The following MSH3 variants were observed in gnomAD, a reference collection of about 807,000 sequenced individuals.
The protein encoded by MSH3 is DNA mismatch repair protein Msh3.
Under a neutral mutation model 123.3 loss-of-function variants are expected in MSH3, and 106 were observed. The observed-to-expected ratio is 0.86, with a 90% CI of 0.73 to 1.01. MSH3 has a LOEUF of 1.01. MSH3 is among the 50% of genes least tolerant of loss of function. The pLI, the probability that MSH3 is intolerant of heterozygous loss-of-function variation, is 0.00. For synonymous variants in MSH3, 515 were observed against 481.4 expected, an observed-to-expected ratio of 1.07 and a Z score of -0.91; for missense variants, 1,459 against 1,347.6, an observed-to-expected ratio of 1.08 and a Z score of -1.29.
At chr5:80,795,005 C>T (rs572903238) in intron 19 of MSH3, among the ~76,000 whole-genome samples, 1 of 152,226 alleles carries the variant, frequency 6.6e-6, no homozygotes, top group Admixed American at 6.5e-5. Context: ...AAATGTTAAG[C>T]AAGGTGGTTA....
intron 8 of MSH3, among the ~76,000 whole-genome samples, chr5:80,683,034 A>C (rs1750008585): frequency 6.6e-6 from 1 of 152,144 alleles, no homozygotes; most frequent in African/African-American, 2.4e-5. Context: ...AAATGACAGG[A>C]TCTCATTCCT....
intron 8 of MSH3, among the ~76,000 whole-genome samples, chr5:80,721,964 G>C (rs961373253): frequency 1.4e-4 from 21 of 152,170 alleles, no homozygotes; most frequent in African/African-American, 4.8e-4. Context: ...TGTTGTCTTA[G>C]ATTGTAAACT....
chr5:80,672,671 A>G lies in MSH3; in HGVS notation c.910-70A>G, dbSNP rs778050509. The G allele has an allele frequency of 3.3e-6, 4 of 1,218,226 alleles. No individual in the cohort carries two copies. The African/African-American group carries it at 4.5e-5, about 14-fold the overall frequency. 75.5% of individuals were successfully genotyped at this position (1,218,226 alleles called of 1,614,324 possible). A position where few individuals can be genotyped will look rare whatever the true frequency, so the allele number is the denominator to read the frequency against. ...TAACCATTTCAGAATTGACGTTTAA[A>G]CATTTCGAAATGAGTTTTTACAAGT... On this transcript the variant is annotated intron_variant, in intron 5 of 23. Coordinates refer to ENST00000265081, the MANE Select transcript of MSH3 (RefSeq NM_002439.5).
At chr5:80,768,235 A>G (rs1002416639) in intron 14 of MSH3, 115 bp downstream of exon 14, 3 of 963,830 alleles carry the variant, frequency 3.1e-6, no homozygotes, top group Non-Finnish European at 4.9e-6. Context: ...TTGCATGAGT[A>G]CATATATAAT....
intron 21 of MSH3, 60 bp downstream of exon 21, chr5:80,854,376 T>C (rs1408665315): frequency 2.0e-6 from 3 of 1,474,616 alleles, no homozygotes; most frequent in African/African-American, 1.4e-5. Flanking sequence ...TATTTTTAAA[T>C]GACAGTCATA....
At chr5:80,854,108 G>C in intron 20 of MSH3, 22 bp from the exon 21 acceptor site, 1 of 1,591,760 alleles carries the variant, frequency 6.3e-7, no homozygotes, top group Non-Finnish European at 8.6e-7. Flanking sequence ...GGAAAATCAA[G>C]GTGTTTTCAT....
chr5:80,859,710 C>G (rs1391991288), intron 21 of MSH3, among the ~76,000 whole-genome samples: 1 of 143,580 alleles, frequency 7.0e-6, no homozygotes, highest in Non-Finnish European at 1.5e-5. Flanking sequence ...TTCATTTTCT[C>G]TCTTTTTTTT....
chr5:80,674,840 A>G, intron 6 of MSH3, 143 bp from the exon 7 acceptor site: 1 of 712,476 alleles, frequency 1.4e-6, no homozygotes, highest in South Asian at 2.0e-5. Flanking sequence ...TTGGCCTCCT[A>G]AAGTGCTGGG....
intron 20 of MSH3, among the ~76,000 whole-genome samples, chr5:80,853,475 A>G (rs74666883): frequency 1.6e-5 from 2 of 126,794 alleles, no homozygotes; most frequent in Middle Eastern, 8.3e-3. Flanking sequence ...AACCCTGTCC[A>G]AAAAAAAAAA....
chr5:80,741,293 G>A (rs183932156), intron 10 of MSH3, among the ~76,000 whole-genome samples, 171 bp from the exon 11 acceptor site: 1 of 152,006 alleles, frequency 6.6e-6, no homozygotes, highest in Non-Finnish European at 1.5e-5. Context: ...CAGCACCAGC[G>A]TTAATGGACT....
intron 20 of MSH3, among the ~76,000 whole-genome samples, chr5:80,850,718 G>C (rs1451584734): frequency 6.6e-6 from 1 of 152,168 alleles, no homozygotes; most frequent in East Asian, 1.9e-4. Context: ...TACAAGAAAA[G>C]ATGTGGCTGG....
intron 19 of MSH3, among the ~76,000 whole-genome samples, chr5:80,797,185 C>T (rs1744713470): frequency 6.6e-6 from 1 of 152,154 alleles, no homozygotes; most frequent in African/African-American, 2.4e-5. Context: ...GGGTAACCCT[C>T]TCACATACCC....
intron 19 of MSH3, among the ~76,000 whole-genome samples, chr5:80,794,272 A>G (rs555676617): frequency 6.6e-6 from 1 of 152,310 alleles, no homozygotes; most frequent in Non-Finnish European, 1.5e-5. Flanking sequence ...TCCTGGCAGC[A>G]CTGAGTTTTC....
intron 13 of MSH3, among the ~76,000 whole-genome samples, chr5:80,767,304 T>G (rs972697475): frequency 5.3e-5 from 8 of 152,294 alleles, no homozygotes; most frequent in African/African-American, 1.9e-4. Context: ...TGCCAAGTTG[T>G]TTTTCAAAAA....
chr5:80,842,735 G>A (rs1189644716), intron 20 of MSH3, among the ~76,000 whole-genome samples: 2 of 152,122 alleles, frequency 1.3e-5, no homozygotes, highest in African/African-American at 4.8e-5. Flanking sequence ...GAATGCTTGT[G>A]ATTTTTGCAC....
intron 19 of MSH3, among the ~76,000 whole-genome samples, chr5:80,812,899 G>C (rs1302880736): frequency 1.3e-5 from 2 of 152,078 alleles, no homozygotes; most frequent in Non-Finnish European, 2.9e-5. Context: ...CCAAAATGTG[G>C]GATTCACATA....
chr5:80,780,116 T>C (rs1744383839), intron 17 of MSH3, among the ~76,000 whole-genome samples: 7 of 152,232 alleles, frequency 4.6e-5, no homozygotes, highest in Admixed American at 4.6e-4. Context: ...TTGATAGTCA[T>C]GTGTTCATAT....
intron 19 of MSH3, among the ~76,000 whole-genome samples, chr5:80,793,896 T>C (rs894175411): frequency 1.3e-5 from 2 of 152,120 alleles, no homozygotes; most frequent in African/African-American, 4.8e-5. Context: ...GTGGTAAGGA[T>C]TGATCTTATT....
chr5:80,730,999 T>C (rs1743401974), intron 10 of MSH3, among the ~76,000 whole-genome samples: 1 of 150,058 alleles, frequency 6.7e-6, no homozygotes, highest in Non-Finnish European at 1.5e-5. Context: ...GCCTCCTGGG[T>C]TCAAGCAATT....
Sources: gnomAD v4.1 joint callset for allele counts (sites outside exome capture counted in the v4.1 genomes callset) on GRCh38, gnomAD v4.1.1 for gene constraint, MANE v1.5 for transcripts, NCBI Gene and HGNC (gene_info 2026-07-23, HGNC 2026-07-21) for gene names.